NRCAM: variants seen among roughly 807,000 people sequenced by gnomAD.
The protein encoded by NRCAM is NgCAM-related cell adhesion molecule.
In NRCAM, 83 loss-of-function variants were observed where a neutral mutation model predicts 156.5. The observed-to-expected ratio is 0.53, with a 90% CI of 0.44 to 0.64. The LOEUF is 0.64. NRCAM is among the 30% of genes least tolerant of loss of function. The pLI, the probability that NRCAM is intolerant of heterozygous loss-of-function variation, is 0.00. For missense variants in NRCAM, 1,417 were observed against 1,597.3 expected (o/e 0.89, Z 1.92); for synonymous variants, 538 against 563.9 (o/e 0.95, Z 0.65).
chr7:108,426,609 C>A (rs1405328873), intron 1 of NRCAM, among the ~76,000 whole-genome samples: 1 of 152,118 alleles, frequency 6.6e-6, no homozygotes, highest in African/African-American at 2.4e-5. Context: ...CAGAGAAGGC[C>A]CTGACTTCTT....
At chr7:108,377,414 T>C (rs1290498100) in intron 2 of NRCAM, among the ~76,000 whole-genome samples, 1 of 152,154 alleles carries the variant, frequency 6.6e-6, no homozygotes, top group African/African-American at 2.4e-5. Context: ...AACCTAGCTA[T>C]AAATATCCTC....
chr7:108,168,896 G>A (rs887880105), intron 28 of NRCAM, among the ~76,000 whole-genome samples: 1 of 152,110 alleles, frequency 6.6e-6, no homozygotes, highest in Admixed American at 6.5e-5. Context: ...TTTGAACAGC[G>A]TTTTTGATCT....
intron 1 of NRCAM, among the ~76,000 whole-genome samples, chr7:108,454,530 CTCAAA>C (rs1309408971): frequency 6.6e-6 from 1 of 152,220 alleles, no homozygotes; most frequent in Non-Finnish European, 1.5e-5. Context: ...ATCTAAAGCT[CTCAAA>C]ACCGGTTGGC....
At position 108,191,287 on chromosome 7, in the gene NRCAM, G is replaced by C; in HGVS notation, c.1904-4C>G. On this transcript the variant is annotated splice_polypyrimidine_tract_variant and splice_region_variant and intron_variant, in intron 18 of 32. Coordinates refer to ENST00000379028, the MANE Select transcript of NRCAM (RefSeq NM_001037132.4). ...GGAGCTGGAGTTGGAGTAGGAGCTA[G>C]AAAGGACATTAATATAAAGGATTTT... is the stretch of plus-strand genomic sequence containing the variant. 1 of 1,597,644 alleles carries C rather than the reference G, an allele frequency of 6.3e-7. No homozygotes were observed.
intron 22 of NRCAM, among the ~76,000 whole-genome samples, chr7:108,183,888 G>T (rs1230464556): frequency 6.6e-6 from 1 of 151,996 alleles, no homozygotes; most frequent in Non-Finnish European, 1.5e-5. Context: ...TATATGCTAG[G>T]CACTGTTCTA....
chr7:108,176,292 G>C lies in NRCAM; in HGVS notation c.3151+138C>G. ...GAACTAAATAGCTGATTATATATCA[G>C]AATGAGAAATTACAAATAAGTGTTT... is the stretch of plus-strand genomic sequence containing the variant. On this transcript the variant is annotated intron_variant, in intron 27 of 32. Transcript: ENST00000379028. 1.8e-5 allele frequency: 13 copies of C among 718,624 alleles called. No individual in the cohort carries two copies. The South Asian group carries it at 2.2e-4, about 12-fold the overall frequency. 44.5% of individuals were successfully genotyped at this position (718,624 alleles called of 1,614,324 possible). A position where few individuals can be genotyped will look rare whatever the true frequency, so the allele number is the denominator to read the frequency against.
rs771749042 is a variant in NRCAM at position 108,150,069 on chromosome 7, G to C, written c.3756C>G (p.Asp1252Glu). The C allele has an allele frequency of 1.2e-6, 2 of 1,613,886 alleles. No homozygotes were observed. Among genetic ancestry groups the C allele is most frequent in the Admixed American group, 3.3e-5 (2 of 59,988 alleles). ...CTTCTCCATAGTCAACTAGGCTGTC[G>C]TCACTATCTTCTTTTTTCACAGTCC... is the stretch of plus-strand genomic sequence containing the variant. The part of the protein sequence containing the change: ...SDRTVKKEDS[D>E]DSLVDYGEGV... The change falls in exon 33 of 33, where the codon GAC (aspartate) becomes GAG (glutamate). Residue 1252 changes from aspartate to glutamate, a missense_variant. By Grantham distance (45) the Asp-to-Glu change is conservative. Transcript: ENST00000379028.
rs774412293 is a variant in NRCAM at position 108,231,093 on chromosome 7, A to G, written c.488T>C (p.Leu163Ser). Residue 163 changes from leucine (L) to serine (S), a missense_variant, in exon 8 of 33, where the codon TTA becomes TCA. Transcript: ENST00000379028. ...EPITLQSGQS[L>S]VLPCRPPIGL... is the part of the protein sequence containing the mutation. ...AATTGGGGGTCTGCAGGGAAGTACTAAAGACTGACCACTTTGAAGTGTGAT... is the reference window on the plus strand; with the variant it reads ...AATTGGGGGTCTGCAGGGAAGTACTGAAGACTGACCACTTTGAAGTGTGAT... 1.4e-5 allele frequency: 23 copies of G among 1,609,266 alleles called. No individual in the cohort carries two copies. Among genetic ancestry groups the G allele is most frequent in the South Asian group, 3.3e-5 (3 of 90,708 alleles).
chr7:108,184,587 A>C lies in NRCAM; in HGVS notation c.2063T>G (p.Met688Arg). The C allele has an allele frequency of 6.2e-7, 1 of 1,613,422 alleles. No homozygotes were observed. Residue 688 changes from methionine (M) to arginine (R), a missense_variant, in exon 21 of 33, where the codon ATG (methionine) becomes AGG (arginine). By Grantham distance (91) the Met-to-Arg change is moderately conservative. This residue lies in a region of NRCAM where 1,238 missense variants were observed against 1,336.4 expected (regional missense o/e 0.93). Transcript: ENST00000379028. ...GTGGTGCCACAGCCCTGGCTTGTGCATTGCATCTTCATATTCGATGATGAA... is the reference window on the plus strand; with the variant it reads ...GTGGTGCCACAGCCCTGGCTTGTGCCTTGCATCTTCATATTCGATGATGAA... ...TKFIIEYEDA[M>R]HKPGLWHHQT...
chr7:108,438,266 G>A (rs1834536902), intron 1 of NRCAM, among the ~76,000 whole-genome samples: 1 of 151,992 alleles, frequency 6.6e-6, no homozygotes, highest in Admixed American at 6.6e-5. Flanking sequence ...GAACACAGAA[G>A]CAAATATCCT....
At position 108,195,853 on chromosome 7, in the gene NRCAM, G is replaced by A; in HGVS notation, c.1371C>T (p.Leu457=). ...CCTGGTAGAGTGTGTTTGCAGGTGTGAGGATTCGTGGTGGCTCAGCTACAA... is the reference window on the plus strand; with the variant it reads ...CCTGGTAGAGTGTGTTTGCAGGTGTAAGGATTCGTGGTGGCTCAGCTACAA... ...VNVLAEPPRI[L]TPANTLYQVI... Residue 457 remains leucine (L), a synonymous_variant, in exon 15 of 33, where the codon CTC becomes CTT. Transcript: ENST00000379028. 2 of 1,611,674 alleles carry A rather than the reference G, an allele frequency of 1.2e-6. No individual in the cohort carries two copies. The highest frequency in any genetic ancestry group is 1.7e-6 in the Non-Finnish European group (2 of 1,177,930).
At chr7:108,227,936 T>C (rs977584984) in intron 8 of NRCAM, among the ~76,000 whole-genome samples, 2 of 152,188 alleles carry the variant, frequency 1.3e-5, no homozygotes, top group Non-Finnish European at 2.9e-5. Flanking sequence ...CGGTTCATCA[T>C]GTTAATCAAA....
chr7:108,180,963 C>T (rs550804851), intron 24 of NRCAM, among the ~76,000 whole-genome samples: 84 of 152,262 alleles, frequency 5.5e-4, no homozygotes, highest in African/African-American at 1.9e-3. Flanking sequence ...AGGGGATCCT[C>T]CACTGAAAGT....
At chr7:108,186,713 A>G (rs772887362) in intron 20 of NRCAM, among the ~76,000 whole-genome samples, 37 of 152,336 alleles carry the variant, frequency 2.4e-4, no homozygotes, top group Non-Finnish European at 3.2e-4. Flanking sequence ...ATATGTATTT[A>G]TATCTTAAAT....
chr7:108,337,264 G>GA (rs36065099), intron 2 of NRCAM, among the ~76,000 whole-genome samples: 11,081 of 124,628 alleles, frequency 0.089, 434 homozygotes, highest in East Asian at 0.13. Flanking sequence ...CTTCATCTCA[G>GA]AAAAAAAAAA....
At chr7:108,178,962 C>G (rs1352752817) in intron 25 of NRCAM, among the ~76,000 whole-genome samples, 4 of 152,148 alleles carry the variant, frequency 2.6e-5, no homozygotes, top group Admixed American at 1.3e-4. Context: ...AAATCATATC[C>G]ATTTCTTCCT....
chr7:108,221,942 C>A (rs1036519029), intron 11 of NRCAM, among the ~76,000 whole-genome samples: 441 of 143,250 alleles, frequency 3.1e-3, no homozygotes, highest in Middle Eastern at 3.7e-3. Flanking sequence ...ATGGTTCAAG[C>A]AAAAAAAAAA....
At chr7:108,380,439 GTTTCTA>G (rs1342385472) in intron 2 of NRCAM, among the ~76,000 whole-genome samples, 1 of 152,004 alleles carries the variant, frequency 6.6e-6, no homozygotes, top group Non-Finnish European at 1.5e-5. Flanking sequence ...TTGTTTTGCT[GTTTCTA>G]TAAGTTGTAT....
intron 2 of NRCAM, among the ~76,000 whole-genome samples, chr7:108,322,786 T>A (rs2099018250): frequency 6.6e-6 from 1 of 152,216 alleles, no homozygotes. Context: ...TATTATCAGT[T>A]GCAGGTTGCT....
Sources: allele counts gnomAD v4.1 joint callset (sites outside exome capture counted in the v4.1 genomes callset), GRCh38; gene constraint gnomAD v4.1.1; regional missense constraint gnomAD v4.1.1; transcripts MANE v1.5; gene names NCBI Gene and HGNC (gene_info 2026-07-23, HGNC 2026-07-21).